The following ZC3HC1 variants were observed in gnomAD, a reference collection of about 807,000 sequenced individuals.
ZC3HC1 encodes the protein zinc finger C3HC-type containing 1.
A neutral mutation model predicts 61.9 loss-of-function variants in ZC3HC1; 38 were observed. The ratio of observed to expected loss-of-function variants is 0.61; its 90% CI spans 0.47 to 0.81. The LOEUF is 0.81. ZC3HC1 is among the 30% of genes least tolerant of loss of function. The probability of loss-of-function intolerance (pLI) is 0.00; values close to 1 mark genes in which losing one functional copy is unlikely to be tolerated. For missense variants in ZC3HC1, 554 were observed against 622.7 expected (o/e 0.89, Z 1.17); for synonymous variants, 213 against 229.9 (o/e 0.93, Z 0.67).
chr7:130,018,511 T>C lies in ZC3HC1; in HGVS notation c.*153A>G. On this transcript the variant is annotated 3_prime_UTR_variant, in exon 10 of 10. Coordinates refer to ENST00000358303, the MANE Select transcript of ZC3HC1 (RefSeq NM_016478.5). ...GTCTCTCTCAGCCAGATGCAGATAGTTGACACTCACTGCCTTTGCTATGGC... is the reference window on the plus strand; with the variant it reads ...GTCTCTCTCAGCCAGATGCAGATAGCTGACACTCACTGCCTTTGCTATGGC... 1 of 634,572 alleles carries C rather than the reference T, an allele frequency of 1.6e-6. No homozygotes were observed. Among genetic ancestry groups the C allele is most frequent in the South Asian group, 2.2e-5 (1 of 45,998 alleles). 39.3% of individuals were successfully genotyped at this position (634,572 alleles called of 1,614,324 possible). A position where few individuals can be genotyped will look rare whatever the true frequency, so the allele number is the denominator to read the frequency against.
intron 4 of ZC3HC1, among the ~76,000 whole-genome samples, chr7:130,032,976 T>C (rs571738180): frequency 3.3e-5 from 5 of 152,326 alleles, no homozygotes; most frequent in African/African-American, 1.2e-4. Context: ...CAGGTGGCAC[T>C]TGTAAACCCA....
intron 4 of ZC3HC1, among the ~76,000 whole-genome samples, chr7:130,030,492 G>A (rs1020356379): frequency 2.0e-5 from 3 of 151,882 alleles, no homozygotes; most frequent in Admixed American, 6.6e-5. Context: ...AAGTCACCAC[G>A]CCCAGCCCTG....
chr7:130,050,441 A>T (rs1053750322), intron 1 of ZC3HC1: 1 of 1,530,062 alleles, frequency 6.5e-7, no homozygotes, highest in African/African-American at 1.4e-5. Context: ...AAATAAACTT[A>T]CTCTAAGACT....
intron 2 of ZC3HC1, among the ~76,000 whole-genome samples, chr7:130,048,059 G>A (rs1322243533): frequency 6.6e-6 from 1 of 151,606 alleles, no homozygotes; most frequent in East Asian, 1.9e-4. Flanking sequence ...TAGAACTGAA[G>A]CCCTCTGTCC....
At chr7:130,042,302 C>CA (rs932185993) in intron 2 of ZC3HC1, among the ~76,000 whole-genome samples, 10,276 of 67,812 alleles carry the variant, frequency 0.15, 453 homozygotes, top group Middle Eastern at 0.21. Flanking sequence ...GACCCTGTCT[C>CA]AAAAAAAAAA....
chr7:130,019,054 CTT>C (rs397746688), intron 9 of ZC3HC1, among the ~76,000 whole-genome samples: 22 of 132,942 alleles, frequency 1.7e-4, no homozygotes, highest in Admixed American at 1.6e-4. Context: ...ACTGGTTTTT[CTT>C]TTTTTTTTTT....
intron 5 of ZC3HC1, 108 bp downstream of exon 5, chr7:130,028,794 G>A (rs530379744): frequency 1.4e-6 from 2 of 1,420,680 alleles, no homozygotes; most frequent in East Asian, 2.4e-5. Context: ...AGACAGACAA[G>A]CAGTTCTCTT....
chr7:130,045,890 CAA>C (rs59500095), intron 2 of ZC3HC1, among the ~76,000 whole-genome samples: 11 of 38,580 alleles, frequency 2.9e-4, no homozygotes, highest in Admixed American at 5.4e-4. Context: ...GACTCCATCT[CAA>C]AAAAAAAAAA....
chr7:130,023,785 CTTCT>C lies in ZC3HC1; in HGVS notation c.1021-66_1021-63del. ...ATATTAATGATTATGGTCAGAAATACTTCTTTCTTTAATCTTTTTTCTTTTTTTT... is the reference window on the plus strand; with the variant it reads ...ATATTAATGATTATGGTCAGAAATACTTCTTTAATCTTTTTTCTTTTTTTT... On this transcript the variant is annotated intron_variant, in intron 7 of 9. Transcript: ENST00000358303. The surrounding 1 kb of genome is among the most constrained non-coding windows in gnomAD (Gnocchi z 4.2). The C allele has an allele frequency of 3.0e-6, 4 of 1,327,826 alleles. No individual in the cohort carries two copies. Among genetic ancestry groups the C allele is most frequent in the South Asian group, 1.3e-5 (1 of 74,112 alleles). 82.3% of individuals were successfully genotyped at this position (1,327,826 alleles called of 1,614,324 possible). A position where few individuals can be genotyped will look rare whatever the true frequency, so the allele number is the denominator to read the frequency against.
intron 4 of ZC3HC1, among the ~76,000 whole-genome samples, chr7:130,032,993 C>G (rs143648542): frequency 3.0e-4 from 46 of 152,286 alleles, no homozygotes; most frequent in Non-Finnish European, 4.7e-4. Flanking sequence ...CCCAGCTACT[C>G]TGGATACTGA....
Position 130,022,484 on chromosome 7 carries a change from A to G in ZC3HC1, c.1275T>C (p.His425=), listed in dbSNP as rs145850722. The change falls in exon 9 of 10, where the codon CAT becomes CAC. Residue 425 remains histidine (H), a synonymous_variant. Coordinates refer to ENST00000358303, the MANE Select transcript of ZC3HC1 (RefSeq NM_016478.5). ...TATTCACCCAAGGGCACCAGTCTCT[A>G]TGCTGAGAGGTGGGATCAAAGAAGC... ...SRSFFDPTSQ[H]RDWCPWVNIT... 85 of 1,613,306 alleles carry G rather than the reference A, an allele frequency of 5.3e-5. No homozygotes were observed. The African/African-American group carries it at 8.9e-4, about 17-fold the overall frequency.
rs951811898 is a variant in ZC3HC1, at chr7:130,037,941, C to T, written c.493+1523G>A. ...AGCTGTTTACTCAGCAGGAATATGCCTATGTGATCAACAAAATATTTTTTA... is the reference window on the plus strand; with the variant it reads ...AGCTGTTTACTCAGCAGGAATATGCTTATGTGATCAACAAAATATTTTTTA... On this transcript the variant is annotated intron_variant, in intron 4 of 9. Transcript: ENST00000358303. Among the ~76,000 whole-genome samples, 3 of 152,262 alleles carry T rather than the reference C, an allele frequency of 2.0e-5. No homozygotes were observed. The South Asian group carries it at 6.2e-4, about 32-fold the overall frequency.
At position 130,023,606 on chromosome 7, in the gene ZC3HC1, G is replaced by A. The variant is rs372808552; in HGVS notation, c.1138C>T (p.Arg380Ter). The change falls in exon 8 of 10, where the codon CGA (arginine) becomes TGA (stop). Residue 380 changes from arginine to a stop codon, truncating the protein, a stop_gained. Coordinates refer to ENST00000358303, the MANE Select transcript of ZC3HC1 (RefSeq NM_016478.5). LOFTEE classifies it high-confidence loss of function. The surrounding 1 kb of genome is among the most constrained non-coding windows in gnomAD (Gnocchi z 4.2). ...SPTTRTRPVT[R>*]SMGTGDTPGL... ...GGGGTGTCTCCTGTTCCCATGCTTC[G>A]GGTCACTGGGCGAGTTCTGGTGGTG... The A allele has an allele frequency of 2.5e-6, 4 of 1,613,976 alleles. No homozygotes were observed. Among genetic ancestry groups the A allele is most frequent in the Non-Finnish European group, 3.4e-6 (4 of 1,180,036 alleles).
At position 130,039,548 on chromosome 7, in the gene ZC3HC1, C is replaced by A; in HGVS notation, c.410-1G>T. 1 of 1,607,098 alleles carries A rather than the reference C, an allele frequency of 6.2e-7. No homozygotes were observed. Among genetic ancestry groups the A allele is most frequent in the Non-Finnish European group, 8.5e-7 (1 of 1,178,098 alleles). ...TTCAGCTCAGCACATCGTTGCTTAT[C>A]TGAAATCCACATAAACAGCAACACC... On this transcript the variant is annotated splice_acceptor_variant, in intron 3 of 9. Transcript: ENST00000358303. LOFTEE classifies it high-confidence loss of function.
intron 9 of ZC3HC1, among the ~76,000 whole-genome samples, chr7:130,020,778 G>C (rs1278100911): frequency 6.6e-6 from 1 of 152,158 alleles, no homozygotes; most frequent in Non-Finnish European, 1.5e-5. Context: ...ACAGAGAGGA[G>C]TCTTACTGAA....
intron 4 of ZC3HC1, among the ~76,000 whole-genome samples, chr7:130,037,274 T>A (rs1794466819): frequency 1.3e-5 from 2 of 152,102 alleles, no homozygotes; most frequent in Admixed American, 1.3e-4. Flanking sequence ...TGAAACCCTG[T>A]CTCTACTAAA....
intron 1 of ZC3HC1, chr7:130,050,463 A>T: frequency 6.6e-7 from 1 of 1,525,054 alleles, no homozygotes; most frequent in South Asian, 1.2e-5. Flanking sequence ...TCAGAGATTC[A>T]TAGAGAGCCT....
rs1319609364 is a variant in ZC3HC1 at position 130,029,029 on chromosome 7, T to C, written c.494A>G (p.Asp165Gly). ...FCFWPDSPSP[D>G]RFGMLPLDEP... ...ATCCAGGGGCAACATCCCAAATCGG[T>C]CTGTGGAAAAAGTAAATTGGAAGAT... Residue 165 changes from aspartate (D) to glycine (G), a missense_variant and splice_region_variant, in exon 5 of 10, where the codon GAC (aspartate) becomes GGC (glycine). Asp to Gly is a moderately conservative substitution (Grantham distance 94). Transcript: ENST00000358303. 6.2e-7 allele frequency: 1 copy of C among 1,611,658 alleles called. No homozygotes were observed. The highest frequency in any genetic ancestry group is 1.7e-5 in the Admixed American group (1 of 59,774).
chr7:130,046,258 C>CT (rs778857997), intron 2 of ZC3HC1, among the ~76,000 whole-genome samples: 8 of 151,996 alleles, frequency 5.3e-5, no homozygotes, highest in Non-Finnish European at 8.8e-5. Context: ...ACACGTTTAC[C>CT]TATGTAACAA....
Sources: allele counts gnomAD v4.1 joint callset (sites outside exome capture counted in the v4.1 genomes callset), GRCh38; gene constraint gnomAD v4.1.1; non-coding constraint Gnocchi (gnomAD v3.1); transcripts MANE v1.5; gene names NCBI Gene and HGNC (gene_info 2026-07-23, HGNC 2026-07-21).